Variants in ACTR3 observed in about 807,000 individuals in gnomAD.
ACTR3 encodes actin related protein 3, also known as actin-related protein 3.
A neutral mutation model predicts 56.8 loss-of-function variants in ACTR3; 12 were observed. The observed-to-expected ratio is 0.21, with a 90% CI of 0.14 to 0.34. The LOEUF (loss-of-function observed/expected upper bound fraction) is 0.34, where lower values mean the gene tolerates loss of function less well. Among genes scored for constraint, ACTR3 ranks in the 10% least tolerant of loss-of-function variants. The pLI is 1.00. For synonymous variants in ACTR3, 162 were observed against 167.4 expected (o/e 0.97, Z 0.25); for missense variants, 282 against 512.5 (o/e 0.55, Z 4.34).
chr2:113,890,238 C>G lies in ACTR3; in HGVS notation c.-42C>G. The G allele has an allele frequency of 6.5e-7, 1 of 1,540,804 alleles. No homozygotes were observed. The highest frequency in any genetic ancestry group is 8.8e-7 in the Non-Finnish European group (1 of 1,140,250). On this transcript the variant is annotated 5_prime_UTR_variant, in exon 1 of 12. Coordinates refer to ENST00000263238, the MANE Select transcript of ACTR3 (RefSeq NM_005721.5). Reference sequence around the variant, plus strand: ...CGCCAATCTCTGGCCCCTAGCAGCACGGAGCAGACGGCGGCAGCAGCAGCA... The same window carrying G: ...CGCCAATCTCTGGCCCCTAGCAGCAGGGAGCAGACGGCGGCAGCAGCAGCA...
At chr2:113,913,635 A>T (rs1028855948) in intron 2 of ACTR3, among the ~76,000 whole-genome samples, 1 of 152,166 alleles carries the variant, frequency 6.6e-6, no homozygotes, top group African/African-American at 2.4e-5. Context: ...TGACGTCCTC[A>T]CTAAGTGCCC....
intron 10 of ACTR3, chr2:113,952,061 A>G: frequency 1.7e-6 from 1 of 598,402 alleles, no homozygotes; most frequent in Non-Finnish European, 2.6e-6. Context: ...AATTCTTAGT[A>G]ATACCTGTGG....
rs539791294 is a variant in ACTR3 at position 113,926,146 on chromosome 2, A to G, written c.226-1199A>G. 4.6e-5 allele frequency among the ~76,000 whole-genome samples: 7 copies of G among 152,364 alleles called. No individual in the cohort carries two copies. In the South Asian group the frequency reaches 1.5e-3, roughly 32 times the overall value. On this transcript the variant is annotated intron_variant, in intron 3 of 11. Coordinates refer to ENST00000263238, the MANE Select transcript of ACTR3 (RefSeq NM_005721.5). Reference sequence around the variant, plus strand: ...CTCAGCTTCTCAAACCTGGAATCAGATGGGACATTGCCACCCTGATTTCTT... The same window carrying G: ...CTCAGCTTCTCAAACCTGGAATCAGGTGGGACATTGCCACCCTGATTTCTT...
At chr2:113,913,096 CAA>C in intron 1 of ACTR3, 74 bp from the exon 2 acceptor site, 1 of 1,001,652 alleles carries the variant, frequency 1.0e-6, no homozygotes, top group Non-Finnish European at 1.5e-6. Flanking sequence ...CACTTCATAA[CAA>C]ATGAAATTCT....
intron 3 of ACTR3, among the ~76,000 whole-genome samples, chr2:113,918,983 A>C (rs1406534392): frequency 6.6e-6 from 1 of 152,196 alleles, no homozygotes; most frequent in Non-Finnish European, 1.5e-5. Flanking sequence ...GGAAAACTTC[A>C]CATGTCAAAG....
chr2:113,932,047 A>G (rs1364997802), intron 5 of ACTR3, among the ~76,000 whole-genome samples: 1 of 152,184 alleles, frequency 6.6e-6, no homozygotes, highest in East Asian at 1.9e-4. Context: ...ATTCATAATT[A>G]AATGGTTAGC....
At chr2:113,914,717 C>G (rs569316700) in intron 2 of ACTR3, among the ~76,000 whole-genome samples, 1 of 151,596 alleles carries the variant, frequency 6.6e-6, no homozygotes, top group East Asian at 1.9e-4. Context: ...TCCTCACTTT[C>G]TAGAAACAAA....
At chr2:113,949,961 TA>T (rs1304202030) in intron 8 of ACTR3, among the ~76,000 whole-genome samples, 1 of 152,232 alleles carries the variant, frequency 6.6e-6, no homozygotes, top group Non-Finnish European at 1.5e-5. Flanking sequence ...TTGACTATGG[TA>T]TATCATCGTT....
At chr2:113,892,823 G>A (rs1678931011) in intron 1 of ACTR3, among the ~76,000 whole-genome samples, 1 of 151,982 alleles carries the variant, frequency 6.6e-6, no homozygotes, top group Non-Finnish European at 1.5e-5. Flanking sequence ...TAGGGGAAAG[G>A]TGGCTGAAAA....
intron 8 of ACTR3, chr2:113,951,129 G>A (rs908654137): frequency 1.2e-5 from 2 of 171,228 alleles, no homozygotes; most frequent in South Asian, 1.4e-4. Flanking sequence ...GGGACACAGA[G>A]CCAGACCATG....
At chr2:113,918,425 C>T (rs191198577) in intron 3 of ACTR3, among the ~76,000 whole-genome samples, 42 of 150,260 alleles carry the variant, frequency 2.8e-4, no homozygotes, top group African/African-American at 1.0e-3. Context: ...ACTTTGTTAC[C>T]CAGGATGGAG....
rs1401630398 is a variant in ACTR3 at position 113,961,993 on chromosome 2, CAT to C, written c.*4541_*4542del. ...TTCATTTCATATTTCCAGTGCCTGA[CAT>C]ATTGCTTGGCATATAGTAGTTTAGT... On this transcript the variant is annotated 3_prime_UTR_variant, in exon 12 of 12. Coordinates refer to ENST00000263238, the MANE Select transcript of ACTR3 (RefSeq NM_005721.5). The C allele has an allele frequency of 1.3e-5, 2 of 152,054 alleles. No homozygotes were observed. Among genetic ancestry groups the C allele is most frequent in the East Asian group, 1.9e-4 (1 of 5,184 alleles). The allele number at this position is 152,054 out of a possible 1,614,324, so 9.4% of individuals were successfully genotyped here.
chr2:113,892,462 C>A (rs1043011542), intron 1 of ACTR3, among the ~76,000 whole-genome samples: 1 of 152,140 alleles, frequency 6.6e-6, no homozygotes, highest in African/African-American at 2.4e-5. Flanking sequence ...TCTGAAATTC[C>A]CCCTTTAGAG....
chr2:113,943,734 G>GCCAT (rs1679965407), intron 8 of ACTR3, among the ~76,000 whole-genome samples: 2 of 152,214 alleles, frequency 1.3e-5, no homozygotes, highest in South Asian at 4.1e-4. Flanking sequence ...AACCCAGTGT[G>GCCAT]CCATCCACTG....
intron 3 of ACTR3, among the ~76,000 whole-genome samples, chr2:113,919,346 A>G (rs1035862863): frequency 6.6e-6 from 1 of 152,144 alleles, no homozygotes; most frequent in African/African-American, 2.4e-5. Context: ...CTTTTTATCT[A>G]TAGGTTATTT....
intron 3 of ACTR3, among the ~76,000 whole-genome samples, chr2:113,919,697 C>G (rs1181658788): frequency 6.6e-6 from 1 of 152,042 alleles, no homozygotes; most frequent in African/African-American, 2.4e-5. Context: ...TCTTATTTAT[C>G]CCTTATCTGC....
intron 1 of ACTR3, among the ~76,000 whole-genome samples, chr2:113,906,205 A>G (rs1236488177): frequency 6.6e-6 from 1 of 152,106 alleles, no homozygotes; most frequent in African/African-American, 2.4e-5. Flanking sequence ...GGGGTATTTC[A>G]TTCTGGTTTT....
At chr2:113,927,280 T>C (rs1679639343) in intron 3 of ACTR3, 65 bp from the exon 4 acceptor site, 1 of 1,109,174 alleles carries the variant, frequency 9.0e-7, no homozygotes, top group Non-Finnish European at 1.3e-6. Flanking sequence ...ATTTCCTTTT[T>C]TGTATTTTTA....
chr2:113,941,014 A>G (rs551871073), intron 7 of ACTR3, among the ~76,000 whole-genome samples: 9 of 152,000 alleles, frequency 5.9e-5, no homozygotes, highest in Middle Eastern at 3.4e-3. Context: ...AGGTCTTGCT[A>G]TGTTGCCCAG....
Sources: allele counts gnomAD v4.1 joint callset (sites outside exome capture counted in the v4.1 genomes callset), GRCh38; gene constraint gnomAD v4.1.1; transcripts MANE v1.5; gene names NCBI Gene and HGNC (gene_info 2026-07-23, HGNC 2026-07-21).